The following MAP1S variants were observed in gnomAD, a reference collection of about 807,000 sequenced individuals.
MAP1S encodes microtubule-associated protein 1S.
Under a neutral mutation model 60.9 loss-of-function variants are expected in MAP1S, and 27 were observed. The ratio of observed to expected loss-of-function variants is 0.44; its 90% confidence interval spans 0.33 to 0.61. The LOEUF is 0.61. Among genes scored for constraint, MAP1S ranks in the 20% least tolerant of loss-of-function variants. The probability of loss-of-function intolerance (pLI) is 0.03; values close to 1 mark genes in which losing one functional copy is unlikely to be tolerated. For synonymous variants in MAP1S, 826 were observed against 694.2 expected (o/e 1.19, Z -2.98); for missense variants, 1,608 against 1,486.6 (o/e 1.08, Z -1.34).
intron 5 of MAP1S, among the ~76,000 whole-genome samples, chr19:17,732,646 G>A (rs1209622504): frequency 6.6e-6 from 1 of 152,176 alleles, no homozygotes; most frequent in Non-Finnish European, 1.5e-5. Flanking sequence ...TTCAGGGCCT[G>A]GTGCCCATGA....
intron 2 of MAP1S, among the ~76,000 whole-genome samples, chr19:17,722,868 G>A (rs1284101160): frequency 6.6e-6 from 1 of 151,526 alleles, no homozygotes; most frequent in Non-Finnish European, 1.5e-5. Flanking sequence ...GGGAAAAGAA[G>A]GAAAGAAAGG....
In MAP1S at chr19:17,725,777, GC is replaced by G. The variant is rs1181073778; in HGVS notation, c.445-51del. ...TGTCCTCGCCCAGTTTTCCCACCGGGCTAGGTGTTGCCTGGCTCTAGGTGGT... is the reference window on the plus strand; with the variant it reads ...TGTCCTCGCCCAGTTTTCCCACCGGGTAGGTGTTGCCTGGCTCTAGGTGGT... On this transcript the variant is annotated intron_variant, in intron 4 of 6. Coordinates refer to ENST00000324096, the MANE Select transcript of MAP1S (RefSeq NM_018174.6). This position sits in a 1 kb window ranked among gnomAD's most constrained non-coding sequence, Gnocchi z 4.2. 176 of 1,546,666 alleles carry G rather than the reference GC, an allele frequency of 1.1e-4. No homozygotes were observed. The highest frequency in any genetic ancestry group is 1.4e-4 in the Non-Finnish European group (164 of 1,141,442).
In MAP1S at chr19:17,727,174, C is replaced by T. The variant is rs367969046; in HGVS notation, c.1790C>T (p.Ala597Val). The T allele has an allele frequency of 9.5e-6, 15 of 1,581,950 alleles. No homozygotes were observed. Among genetic ancestry groups the T allele is most frequent in the South Asian group, 1.1e-5 (1 of 87,756 alleles). ...RCGEASPPSA[A>V]CGSPASQLVA... ...GGAGAAGCCAGCCCCCCCAGTGCAG[C>T]CTGCGGCTCTCCGGCCTCCCAGCTG... The change falls in exon 5 of 7, where the codon GCC becomes GTC. Residue 597 changes from alanine (A) to valine (V), a missense_variant. Physicochemically the swap from Ala to Val is moderately conservative, Grantham distance 64. Around this residue, in one of 4 missense-constraint regions of MAP1S, gnomAD observed 1,167 missense variants for 961.4 expected, o/e 1.21. Transcript: ENST00000324096. The surrounding 1 kb of genome is among the most constrained non-coding windows in gnomAD (Gnocchi z 4.1).
chr19:17,724,117 C>T lies in MAP1S; in HGVS notation c.221-9C>T, dbSNP rs763014173. ...GATTTGACTCCGGGACGGCCTGATT[C>T]CCCCACAGGCCAGCGGAGCCTGCAC... On this transcript the variant is annotated splice_polypyrimidine_tract_variant and intron_variant, in intron 2 of 6. Transcript: ENST00000324096. The T allele has an allele frequency of 2.1e-5, 34 of 1,611,186 alleles. No individual in the cohort carries two copies. The highest frequency in any genetic ancestry group is 2.7e-5 in the Non-Finnish European group (32 of 1,177,976).
At chr19:17,720,548 C>G (rs762640193) in intron 1 of MAP1S, 1 of 1,455,978 alleles carries the variant, frequency 6.9e-7, no homozygotes, top group African/African-American at 1.4e-5. Flanking sequence ...GTCTTAGCAC[C>G]CGAAGGTGCT....
chr19:17,727,756 T>A lies in MAP1S; in HGVS notation c.2372T>A (p.Leu791Gln). The change falls in exon 5 of 7, where the codon CTG becomes CAG. Residue 791 changes from leucine to glutamine, a missense_variant. By Grantham distance (113) the Leu-to-Gln change is moderately radical. Transcript: ENST00000324096. This position sits in a 1 kb window ranked among gnomAD's most constrained non-coding sequence, Gnocchi z 4.1. ...CCACCCACATCGGTCAGCGAGTCCC[T>A]GCCCACCCTGTCTGACTCGGATCCC... is the stretch of plus-strand genomic sequence containing the variant. The part of the protein sequence containing the change: ...ETPPTSVSES[L>Q]PTLSDSDPVP... 6.2e-7 allele frequency: 1 copy of A among 1,608,584 alleles called. No individual in the cohort carries two copies. Among genetic ancestry groups the A allele is most frequent in the South Asian group, 1.1e-5 (1 of 90,540 alleles).
rs574295798 is a variant in MAP1S, at chr19:17,725,261, C to G, written c.444+72C>G. 6.6e-6 allele frequency: 10 copies of G among 1,510,820 alleles called. No homozygotes were observed. In the African/African-American group the frequency reaches 1.4e-4, roughly 21 times the overall value. 93.6% of individuals were successfully genotyped at this position (1,510,820 alleles called of 1,614,324 possible). On this transcript the variant is annotated intron_variant, in intron 4 of 6. Transcript: ENST00000324096. This position sits in a 1 kb window ranked among gnomAD's most constrained non-coding sequence, Gnocchi z 4.2. ...GACTGGGGTGTATCAGGCTGTGTGG[C>G]ACCAGCGACCTGCTGTTTTCCATGG...
At chr19:17,731,412 G>GTGATGATTTATTTCAC (rs2080492175) in intron 5 of MAP1S, among the ~76,000 whole-genome samples, 3 of 151,956 alleles carry the variant, frequency 2.0e-5, no homozygotes, top group Admixed American at 6.6e-5. Context: ...GATCATTTCA[G>GTGATGATTTATTTCAC]CATACATGTG....
chr19:17,724,280 G>A, intron 3 of MAP1S, 72 bp downstream of exon 3: 1 of 1,257,832 alleles, frequency 8.0e-7, no homozygotes, highest in Non-Finnish European at 1.2e-6. Flanking sequence ...CCTGTCTCGT[G>A]TCCTTGTCTT....
At chr19:17,728,277 G>T in intron 5 of MAP1S, 105 bp downstream of exon 5, 6 of 1,222,772 alleles carry the variant, frequency 4.9e-6, no homozygotes, top group Non-Finnish European at 6.7e-6. Flanking sequence ...AAAAGAGATG[G>T]TCTCACTCTG....
chr19:17,731,460 C>T (rs1435822846), intron 5 of MAP1S, among the ~76,000 whole-genome samples: 1 of 152,142 alleles, frequency 6.6e-6, no homozygotes, highest in Non-Finnish European at 1.5e-5. Flanking sequence ...TTCCATTGGT[C>T]TATATGTCTG....
rs1013009591 is a variant in MAP1S at position 17,719,480 on chromosome 19, G to A, written c.-23G>A. ...AGGCGGGGCCTGCGGGGCGGGCGCC[G>A]AGAACGCCGGGGCGGCCCGAAGATG... On this transcript the variant is annotated 5_prime_UTR_variant, in exon 1 of 7. Coordinates refer to ENST00000324096, the MANE Select transcript of MAP1S (RefSeq NM_018174.6). The A allele has an allele frequency of 2.4e-6, 3 of 1,237,546 alleles. No homozygotes were observed. Among genetic ancestry groups the A allele is most frequent in the Non-Finnish European group, 3.1e-6 (3 of 982,632 alleles). 76.7% of individuals were successfully genotyped at this position (1,237,546 alleles called of 1,614,324 possible). A position where few individuals can be genotyped will look rare whatever the true frequency, so the allele number is the denominator to read the frequency against.
In MAP1S at chr19:17,723,507, T is replaced by G. The variant is rs559058552; in HGVS notation, c.221-619T>G. On this transcript the variant is annotated intron_variant, in intron 2 of 6. Coordinates refer to ENST00000324096, the MANE Select transcript of MAP1S (RefSeq NM_018174.6). ...AGGTTGCAGTGAGCCCAGGTTGCACTGTTGCACGCCAGCCTGGGCAACAAG... is the reference window on the plus strand; with the variant it reads ...AGGTTGCAGTGAGCCCAGGTTGCACGGTTGCACGCCAGCCTGGGCAACAAG... Among the ~76,000 whole-genome samples, 279 of 150,154 alleles carry G rather than the reference T, an allele frequency of 1.9e-3. 4 individuals carry two copies. The highest frequency in any genetic ancestry group is 6.2e-3 in the African/African-American group (252 of 40,566).
chr19:17,728,238 C>A (rs999362944), intron 5 of MAP1S, 66 bp downstream of exon 5: 4 of 1,465,282 alleles, frequency 2.7e-6, no homozygotes, highest in African/African-American at 1.4e-5. Context: ...CATAGCTCGT[C>A]CCCCTGTTTT....
rs2145983888 is a variant in MAP1S, at chr19:17,734,294, G to A, written c.3046G>A (p.Asp1016Asn). 4 of 1,612,494 alleles carry A rather than the reference G, an allele frequency of 2.5e-6. No homozygotes were observed. Among genetic ancestry groups the A allele is most frequent in the East Asian group, 4.5e-5 (2 of 44,764 alleles). ...DLQVTLIPTF[D>N]SVAMHTWYAE... ...GCAGGTGACCCTGATCCCCACTTTC[G>A]ACTCGGTGGCCATGCATACGTGGTA... is the stretch of plus-strand genomic sequence containing the variant. Residue 1016 changes from aspartate (D) to asparagine (N), a missense_variant, in exon 7 of 7, where the codon GAC becomes AAC. Physicochemically the swap from Asp to Asn is conservative, Grantham distance 23. This residue lies in a region of MAP1S where 76 missense variants were observed against 110.1 expected (regional missense o/e 0.69). Coordinates refer to ENST00000324096, the MANE Select transcript of MAP1S (RefSeq NM_018174.6).
rs1371133317 is a variant in MAP1S at position 17,725,679 on chromosome 19, C to G, written c.445-150C>G. The G allele has an allele frequency of 6.9e-6, 5 of 723,896 alleles. No homozygotes were observed. The highest frequency in any genetic ancestry group is 1.1e-5 in the Non-Finnish European group (5 of 444,986). The allele number at this position is 723,896 out of a possible 1,614,324, so 44.8% of individuals were successfully genotyped here. A position where few individuals can be genotyped will look rare whatever the true frequency, so the allele number is the denominator to read the frequency against. On this transcript the variant is annotated intron_variant, in intron 4 of 6. Coordinates refer to ENST00000324096, the MANE Select transcript of MAP1S (RefSeq NM_018174.6). The surrounding 1 kb of genome is among the most constrained non-coding windows in gnomAD (Gnocchi z 4.2). Reference sequence around the variant, plus strand: ...AGGAGGTGAGGCCAGATCAAAGAGCCTTGTGGCGCTGGAGAGGGTTGGGTT... The same window carrying G: ...AGGAGGTGAGGCCAGATCAAAGAGCGTTGTGGCGCTGGAGAGGGTTGGGTT...
chr19:17,719,752 C>A, intron 1 of MAP1S, 132 bp downstream of exon 1: 1 of 242,442 alleles, frequency 4.1e-6, no homozygotes, highest in Non-Finnish European at 6.7e-6. Flanking sequence ...GGTCGCGGGC[C>A]TGGGGCTGGG....
chr19:17,733,938 C>G (rs1426816120), intron 6 of MAP1S, among the ~76,000 whole-genome samples: 1 of 152,138 alleles, frequency 6.6e-6, no homozygotes, highest in Non-Finnish European at 1.5e-5. Flanking sequence ...AGGAAAAGGC[C>G]CAGAGGTAGG....
Position 17,725,774 on chromosome 19 carries a change from C to T in MAP1S, c.445-55C>T, listed in dbSNP as rs1386082642. 1.4e-5 allele frequency: 22 copies of T among 1,523,140 alleles called. No homozygotes were observed. Among genetic ancestry groups the T allele is most frequent in the Admixed American group, 2.0e-5 (1 of 49,532 alleles). The allele number at this position is 1,523,140 out of a possible 1,614,324, so 94.4% of individuals were successfully genotyped here. A position where few individuals can be genotyped will look rare whatever the true frequency, so the allele number is the denominator to read the frequency against. ...GGGTGTCCTCGCCCAGTTTTCCCAC[C>T]GGGCTAGGTGTTGCCTGGCTCTAGG... is the stretch of plus-strand genomic sequence containing the variant. On this transcript the variant is annotated intron_variant, in intron 4 of 6. Transcript: ENST00000324096. The surrounding 1 kb of genome is among the most constrained non-coding windows in gnomAD (Gnocchi z 4.2).
Sources: gnomAD v4.1 joint callset for allele counts (sites outside exome capture counted in the v4.1 genomes callset) on GRCh38, gnomAD v4.1.1 for gene constraint, gnomAD v4.1.1 regional missense constraint, Gnocchi (gnomAD v3.1) non-coding constraint, MANE v1.5 for transcripts, NCBI Gene and HGNC (gene_info 2026-07-23, HGNC 2026-07-21) for gene names.